The following ZNF253 variants were observed in gnomAD, a reference collection of about 807,000 sequenced individuals.
The protein encoded by ZNF253 is DNA-binding protein.
Under a neutral mutation model 11.9 loss-of-function variants are expected in ZNF253, and 8 were observed. The observed-to-expected ratio is 0.67, with a 90% CI of 0.40 to 1.22. The LOEUF (loss-of-function observed/expected upper bound fraction) is 1.22. ZNF253 is among the 50% of genes most tolerant of loss of function. The pLI, the probability that ZNF253 is intolerant of heterozygous loss-of-function variation, is 0.01. For missense variants in ZNF253, 485 were observed against 586.9 expected (o/e 0.83, Z 1.79); for synonymous variants, 194 against 194.9 (o/e 1.00, Z 0.04).
chr19:19,874,208 C>T (rs1437572740), intron 1 of ZNF253, among the ~76,000 whole-genome samples: 1 of 152,068 alleles, frequency 6.6e-6, no homozygotes, highest in African/African-American at 2.4e-5. Flanking sequence ...CCGCGCCCAG[C>T]CACATATTTA....
chr19:19,873,931 G>C (rs2063144402), intron 1 of ZNF253, among the ~76,000 whole-genome samples: 1 of 151,526 alleles, frequency 6.6e-6, no homozygotes, highest in Non-Finnish European at 1.5e-5. Flanking sequence ...TTGGTTTTTT[G>C]AGATAGAGTC....
intron 3 of ZNF253, among the ~76,000 whole-genome samples, chr19:19,887,556 TTCG>T (rs2063211318): frequency 6.6e-6 from 1 of 152,052 alleles, no homozygotes; most frequent in Non-Finnish European, 1.5e-5. Context: ...ATTGTCCTTC[TTCG>T]TCTTTTTGAA....
At chr19:19,879,707 C>G (rs2063169488) in intron 2 of ZNF253, among the ~76,000 whole-genome samples, 1 of 152,154 alleles carries the variant, frequency 6.6e-6, no homozygotes, top group African/African-American at 2.4e-5. Flanking sequence ...CACATGCTTT[C>G]ACTTGTGAAT....
Position 19,891,795 on chromosome 19 carries a change from G to T in ZNF253, c.548G>T (p.Arg183Leu). 2 of 1,613,904 alleles carry T rather than the reference G, an allele frequency of 1.2e-6. No homozygotes were observed. Among genetic ancestry groups the T allele is most frequent in the South Asian group, 1.1e-5 (1 of 91,048 alleles). Residue 183 changes from arginine to leucine, a missense_variant, in exon 4 of 4, where the codon CGG becomes CTG. Transcript: ENST00000589717. ...KCIICGKAFK[R>L]SSTLTTHKKI... Reference sequence around the variant, plus strand: ...ATAATATGTGGCAAAGCTTTTAAACGGTCCTCAACCCTTACTACACATAAG... The same window carrying T: ...ATAATATGTGGCAAAGCTTTTAAACTGTCCTCAACCCTTACTACACATAAG...
At chr19:19,888,823 G>A (rs769619564) in intron 3 of ZNF253, among the ~76,000 whole-genome samples, 9 of 152,136 alleles carry the variant, frequency 5.9e-5, no homozygotes, top group African/African-American at 9.7e-5. Context: ...ATGATCATGT[G>A]TTGTTTTCTT....
At chr19:19,889,308 C>T (rs2063219350) in intron 3 of ZNF253, among the ~76,000 whole-genome samples, 1 of 151,274 alleles carries the variant, frequency 6.6e-6, no homozygotes, top group Non-Finnish European at 1.5e-5. Context: ...GTTCCTATTT[C>T]ACTTACTGAA....
At chr19:19,875,962 T>C (rs1308244239) in intron 1 of ZNF253, among the ~76,000 whole-genome samples, 1 of 152,004 alleles carries the variant, frequency 6.6e-6, no homozygotes, top group Non-Finnish European at 1.5e-5. Flanking sequence ...CATTAGTACA[T>C]GTGTACATGT....
chr19:19,868,028 C>G lies in ZNF253; in HGVS notation c.3+2029C>G, dbSNP rs140476179. On this transcript the variant is annotated intron_variant, in intron 1 of 3. Transcript: ENST00000589717. ...AAAGCATCTATTCATGTTTTTTTGG[C>G]CTATTTTTTAATGAGATTTTTTTTT... Among the ~76,000 whole-genome samples the G allele has an allele frequency of 9.9e-3, 1,486 of 150,260 alleles. 13 individuals are homozygous for G. The highest frequency in any genetic ancestry group is 0.029 in the South Asian group (136 of 4,762).
chr19:19,890,114 G>C (rs1168262236), intron 3 of ZNF253, among the ~76,000 whole-genome samples: 1 of 152,160 alleles, frequency 6.6e-6, no homozygotes, highest in Non-Finnish European at 1.5e-5. Flanking sequence ...TTATAATATA[G>C]TTTTGTCCTT....
chr19:19,889,832 G>A (rs1003227935), intron 3 of ZNF253, among the ~76,000 whole-genome samples: 1 of 150,494 alleles, frequency 6.6e-6, no homozygotes, highest in South Asian at 2.1e-4. Context: ...TAGTTACAGG[G>A]TTTCACCATG....
At chr19:19,887,235 C>T (rs553001099) in intron 3 of ZNF253, among the ~76,000 whole-genome samples, 37 of 151,594 alleles carry the variant, frequency 2.4e-4, no homozygotes, top group African/African-American at 7.5e-4. Context: ...TTGTAGGCAG[C>T]GTACTGTATG....
intron 1 of ZNF253, among the ~76,000 whole-genome samples, chr19:19,868,781 A>G (rs1172290947): frequency 6.6e-6 from 1 of 152,132 alleles, no homozygotes; most frequent in African/African-American, 2.4e-5. Context: ...GTGTATACCT[A>G]TGTAACAAAC....
chr19:19,887,489 G>T (rs2122134578), intron 3 of ZNF253, among the ~76,000 whole-genome samples: 1 of 152,004 alleles, frequency 6.6e-6, no homozygotes, highest in Admixed American at 6.6e-5. Context: ...ACTAGTGACA[G>T]GGTTCCACCA....
intron 3 of ZNF253, among the ~76,000 whole-genome samples, chr19:19,890,776 C>A (rs761300055): frequency 7.9e-5 from 12 of 151,356 alleles, no homozygotes; most frequent in Non-Finnish European, 2.9e-5. Flanking sequence ...ACCTGCCTTG[C>A]CTTACCAAAG....
Position 19,892,817 on chromosome 19 carries a change from G to GT in ZNF253, c.*71dup. On this transcript the variant is annotated 3_prime_UTR_variant, in exon 4 of 4. Transcript: ENST00000589717. ...GCCTTTAACCAGCCCTCGACTCTTAGTAAATTTGAGAGTTTATATGGAACA... is the reference window on the plus strand; with the variant it reads ...GCCTTTAACCAGCCCTCGACTCTTAGTTAAATTTGAGAGTTTATATGGAACA... The GT allele has an allele frequency of 7.2e-7, 1 of 1,391,526 alleles. No individual in the cohort carries two copies. Among genetic ancestry groups the GT allele is most frequent in the Non-Finnish European group, 9.8e-7 (1 of 1,021,232 alleles). The allele number at this position is 1,391,526 out of a possible 1,614,324, so 86.2% of individuals were successfully genotyped here.
intron 1 of ZNF253, among the ~76,000 whole-genome samples, chr19:19,876,423 A>G (rs2063156404): frequency 6.6e-6 from 1 of 152,118 alleles, no homozygotes; most frequent in Non-Finnish European, 1.5e-5. Flanking sequence ...ACATATTTCC[A>G]TTACTGTAGC....
chr19:19,886,540 G>C (rs537242206), intron 3 of ZNF253, among the ~76,000 whole-genome samples: 79 of 152,268 alleles, frequency 5.2e-4, no homozygotes, highest in African/African-American at 1.8e-3. Flanking sequence ...GAATGGCTTG[G>C]TATATCCTCT....
At chr19:19,870,493 G>A (rs1338661897) in intron 1 of ZNF253, among the ~76,000 whole-genome samples, 2 of 151,588 alleles carry the variant, frequency 1.3e-5, no homozygotes, top group Admixed American at 1.3e-4. Context: ...CTACCAAATT[G>A]TTAGAGTAGA....
intron 1 of ZNF253, among the ~76,000 whole-genome samples, chr19:19,875,553 G>A (rs1777256666): frequency 6.6e-6 from 1 of 151,926 alleles, no homozygotes. Flanking sequence ...CCACCACCAC[G>A]CCCGGCTAAT....
Sources: allele counts gnomAD v4.1 joint callset (sites outside exome capture counted in the v4.1 genomes callset), GRCh38; gene constraint gnomAD v4.1.1; transcripts MANE v1.5; gene names NCBI Gene and HGNC (gene_info 2026-07-23, HGNC 2026-07-21).